Variants in NCKAP5 observed in about 807,000 individuals in gnomAD.
NCKAP5 encodes nck-associated protein 5.
A neutral mutation model predicts 167.0 loss-of-function variants in NCKAP5; 92 were observed. The observed-to-expected ratio is 0.55, with a 90% CI of 0.47 to 0.66. The LOEUF (loss-of-function observed/expected upper bound fraction) is 0.66, where lower values mean the gene tolerates loss of function less well. NCKAP5 is among the 30% of genes least tolerant of loss of function. The pLI, the probability that NCKAP5 is intolerant of heterozygous loss-of-function variation, is 0.00. For synonymous variants in NCKAP5, 891 were observed against 877.4 expected (o/e 1.02, Z -0.27); for missense variants, 2,378 against 2,315.0 (o/e 1.03, Z -0.56).
At chr2:132,712,986 C>A (rs984457296) in intron 19 of NCKAP5, among the ~76,000 whole-genome samples, 4 of 152,034 alleles carry the variant, frequency 2.6e-5, no homozygotes, top group Non-Finnish European at 4.4e-5. Context: ...GTAGCTGGAA[C>A]AAAGAACAAG....
chr2:133,246,688 G>T (rs556705950), intron 4 of NCKAP5, among the ~76,000 whole-genome samples: 2 of 152,286 alleles, frequency 1.3e-5, no homozygotes, highest in Middle Eastern at 3.4e-3. Flanking sequence ...TGCATACCGC[G>T]TTGAAAATAA....
intron 9 of NCKAP5, among the ~76,000 whole-genome samples, chr2:132,874,486 T>G (rs1259372843): frequency 6.6e-6 from 1 of 152,174 alleles, no homozygotes; most frequent in African/African-American, 2.4e-5. Context: ...TTCTACAATC[T>G]AGGCTAGGCA....
At chr2:133,591,904 A>C in the NCKAP5 span, among the ~76,000 whole-genome samples, 1 of 152,318 alleles carries the variant, frequency 6.6e-6, no homozygotes, top group South Asian at 2.1e-4. Flanking sequence ...TATAAGGCAA[A>C]CAGTTAAAAT....
intron 4 of NCKAP5, among the ~76,000 whole-genome samples, chr2:133,284,451 T>C (rs2090036490): frequency 6.6e-6 from 1 of 152,200 alleles, no homozygotes; most frequent in Non-Finnish European, 1.5e-5. Context: ...ATGTTATGCA[T>C]GTTTGAAGTT....
intron 3 of NCKAP5, among the ~76,000 whole-genome samples, chr2:133,471,077 A>T (rs1679252521): frequency 1.3e-5 from 2 of 152,174 alleles, no homozygotes; most frequent in African/African-American, 4.8e-5. Context: ...CATCATCATC[A>T]TCAATCATCA....
At chr2:132,931,771 A>T (rs886464028) in intron 8 of NCKAP5, among the ~76,000 whole-genome samples, 2 of 152,242 alleles carry the variant, frequency 1.3e-5, no homozygotes, top group African/African-American at 4.8e-5. Context: ...CTAGGTAATT[A>T]TAATAGTGAT....
rs1302237520 is a variant in NCKAP5 at position 132,784,250 on chromosome 2, C to T, written c.2561G>A (p.Gly854Glu). The change falls in exon 14 of 20, where the codon GGG (glycine) becomes GAG (glutamate). Residue 854 changes from glycine to glutamate, a missense_variant. Transcript: ENST00000409261. The part of the protein sequence containing the change: ...LSRFMKTESS[G>E]PLFELRSDPH... ...ATCTGATCGTAATTCAAAGAGGGGC[C>T]CTGAGCTCTCAGTCTTCATGAATCG... 1.2e-6 allele frequency: 2 copies of T among 1,606,464 alleles called. No individual in the cohort carries two copies. The highest frequency in any genetic ancestry group is 1.7e-6 in the Non-Finnish European group (2 of 1,177,300).
chr2:133,409,569 A>G (rs978133429), intron 3 of NCKAP5, among the ~76,000 whole-genome samples: 1 of 152,208 alleles, frequency 6.6e-6, no homozygotes, highest in African/African-American at 2.4e-5. Context: ...AGTTGAGACC[A>G]GTTACAGACC....
At chr2:133,581,361 G>A in the NCKAP5 span, among the ~76,000 whole-genome samples, 5 of 152,060 alleles carry the variant, frequency 3.3e-5, no homozygotes, top group African/African-American at 1.2e-4. Context: ...TTCCTATGGA[G>A]AGTGAAGAAC....
Position 133,480,593 on chromosome 2 carries a change from T to C in NCKAP5, c.69+36865A>G, listed in dbSNP as rs542680538. On this transcript the variant is annotated intron_variant, in intron 3 of 19. Coordinates refer to ENST00000409261, the MANE Select transcript of NCKAP5 (RefSeq NM_207363.3). ...CTCTACAGAAGCAACACAGGCCTAA[T>C]GGTGTCTCTTCAATCCCTTGGGTAG... is the stretch of plus-strand genomic sequence containing the variant. Among the ~76,000 whole-genome samples, 32 of 152,308 alleles carry C rather than the reference T, an allele frequency of 2.1e-4. No homozygotes were observed. In the South Asian group the frequency reaches 5.6e-3, roughly 27 times the overall value.
Position 133,451,890 on chromosome 2 carries a change from TA to T in NCKAP5, c.69+65567del, listed in dbSNP as rs567457931. On this transcript the variant is annotated intron_variant, in intron 3 of 19. Coordinates refer to ENST00000409261, the MANE Select transcript of NCKAP5 (RefSeq NM_207363.3). ...TGGGAACTTCAAACATTTCCCTGCT[TA>T]AAAAATAATTGTGTGTTGTCTTCCC... 3.4e-3 allele frequency among the ~76,000 whole-genome samples: 523 copies of T among 152,268 alleles called. 6 individuals are homozygous for T. Among genetic ancestry groups the T allele is most frequent in the African/African-American group, 0.011 (462 of 41,554 alleles).
chr2:132,922,357 A>G (rs1356049298), intron 8 of NCKAP5, among the ~76,000 whole-genome samples: 2 of 152,214 alleles, frequency 1.3e-5, no homozygotes, highest in Non-Finnish European at 2.9e-5. Flanking sequence ...AAAAGTTAAG[A>G]GCCAGGCTTT....
chr2:133,595,960 T>C, the NCKAP5 span: 3 of 152,258 alleles, frequency 2.0e-5, no homozygotes, highest in African/African-American at 7.2e-5. Flanking sequence ...AATGTGATTA[T>C]TATGCAGTGC....
chr2:133,326,237 C>A (rs934310026), intron 3 of NCKAP5, among the ~76,000 whole-genome samples: 1 of 152,096 alleles, frequency 6.6e-6, no homozygotes, highest in Non-Finnish European at 1.5e-5. Context: ...AGGCGGATCA[C>A]GAGCTCAGGA....
At chr2:133,128,640 G>A (rs890274805) in intron 6 of NCKAP5, among the ~76,000 whole-genome samples, 1 of 150,712 alleles carries the variant, frequency 6.6e-6, no homozygotes, top group African/African-American at 2.4e-5. Flanking sequence ...CTTTGTTGCC[G>A]AGGCTGGAGT....
At chr2:133,469,485 T>A (rs1348945965) in intron 3 of NCKAP5, among the ~76,000 whole-genome samples, 1 of 152,056 alleles carries the variant, frequency 6.6e-6, no homozygotes, top group Non-Finnish European at 1.5e-5. Flanking sequence ...GAAAATTATG[T>A]GTCTTGGAGT....
chr2:133,332,209 C>T (rs552077917), intron 3 of NCKAP5, among the ~76,000 whole-genome samples: 109 of 152,252 alleles, frequency 7.2e-4, no homozygotes, highest in Middle Eastern at 3.4e-3. Context: ...AACATTTCCC[C>T]TTGAGTCATT....
chr2:133,100,271 C>A (rs1018621423), intron 6 of NCKAP5, among the ~76,000 whole-genome samples: 2 of 152,186 alleles, frequency 1.3e-5, no homozygotes, highest in Non-Finnish European at 2.9e-5. Context: ...TTTAATTAAT[C>A]ATGTTAGCTA....
chr2:132,919,029 T>G (rs146516992), intron 8 of NCKAP5, among the ~76,000 whole-genome samples: 102 of 152,358 alleles, frequency 6.7e-4, no homozygotes, highest in African/African-American at 2.3e-3. Flanking sequence ...GATGAATTTA[T>G]TGTTTCATTT....
Sources: gnomAD v4.1 joint callset for allele counts (sites outside exome capture counted in the v4.1 genomes callset) on GRCh38, gnomAD v4.1.1 for gene constraint, MANE v1.5 for transcripts, NCBI Gene and HGNC (gene_info 2026-07-23, HGNC 2026-07-21) for gene names.